Variants in C8B observed in about 807,000 individuals in gnomAD.
The protein encoded by C8B is complement component C8 beta chain.
Under a neutral mutation model 64.6 loss-of-function variants are expected in C8B, and 67 were observed. The observed-to-expected ratio is 1.04, with a 90% CI of 0.85 to 1.27. The LOEUF (loss-of-function observed/expected upper bound fraction) is 1.27. C8B is among the 50% of genes most tolerant of loss of function. The pLI is 0.00. For missense variants in C8B, 790 were observed against 725.2 expected, an observed-to-expected ratio of 1.09 and a Z score of -1.03; for synonymous variants, 284 against 257.7, an observed-to-expected ratio of 1.10 and a Z score of -0.98.
chr1:56,945,302 C>T (rs1406771341), intron 7 of C8B, among the ~76,000 whole-genome samples: 1 of 152,170 alleles, frequency 6.6e-6, no homozygotes, highest in African/African-American at 2.4e-5. Context: ...AAAGAAAAAA[C>T]AGCAGATTTG....
intron 2 of C8B, chr1:56,959,747 A>T: frequency 1.2e-6 from 1 of 843,740 alleles, no homozygotes; most frequent in Non-Finnish European, 1.8e-6. Context: ...TTTCATGATG[A>T]AAGATTGATT....
intron 2 of C8B, chr1:56,959,746 G>T (rs1645150611): frequency 1.2e-6 from 1 of 847,180 alleles, no homozygotes; most frequent in Non-Finnish European, 1.8e-6. Flanking sequence ...GTTTCATGAT[G>T]AAAGATTGAT....
At position 56,945,932 on chromosome 1, in the gene C8B, C is replaced by T; in HGVS notation, c.994G>A (p.Glu332Lys). The T allele has an allele frequency of 6.2e-7, 1 of 1,614,148 alleles. No individual in the cohort carries two copies. The highest frequency in any genetic ancestry group is 8.5e-7 in the Non-Finnish European group (1 of 1,180,012). ...AAATCACGGAAGAGATCTCTGTATT[C>T]CCCGTAGCTGTACTCCAGGGGCAGC... is the stretch of plus-strand genomic sequence containing the variant. ...KRLPLEYSYG[E>K]YRDLFRDFGT... The change falls in exon 7 of 12, where the codon GAA becomes AAA. Residue 332 changes from glutamate to lysine, a missense_variant. Transcript: ENST00000371237.
Position 56,940,899 on chromosome 1 carries a change from G to T in C8B, c.1348C>A (p.Gln450Lys), listed in dbSNP as rs762458818. ...YQELPTADLM[Q>K]EWGDAVQYNP... ...TACTGCACAGCGTCTCCCCACTCCT[G>T]CATCAGGTCCGCCGTCGGCAGCTCC... The change falls in exon 9 of 12, where the codon CAG (glutamine) becomes AAG (lysine). Residue 450 changes from glutamine to lysine, a missense_variant. Transcript: ENST00000371237. The T allele has an allele frequency of 1.2e-6, 2 of 1,613,970 alleles. No individual in the cohort carries two copies. Among genetic ancestry groups the T allele is most frequent in the Non-Finnish European group, 1.7e-6 (2 of 1,179,998 alleles).
intron 2 of C8B, among the ~76,000 whole-genome samples, chr1:56,958,787 A>G (rs930430287): frequency 3.9e-5 from 6 of 152,202 alleles, no homozygotes; most frequent in African/African-American, 1.4e-4. Flanking sequence ...AATAAAACCT[A>G]CTTTGGGAAC....
intron 3 of C8B, among the ~76,000 whole-genome samples, 156 bp downstream of exon 3, chr1:56,956,613 T>C (rs1645106873): frequency 6.6e-6 from 1 of 152,160 alleles, no homozygotes; most frequent in African/African-American, 2.4e-5. Context: ...TATAAAATAA[T>C]GCATGTGAAA....
At chr1:56,945,759 A>G in intron 7 of C8B, 62 bp downstream of exon 7, 4 of 1,606,934 alleles carry the variant, frequency 2.5e-6, no homozygotes, top group Admixed American at 1.7e-5. Context: ...AGAAAACTAC[A>G]AGTTCAACTT....
chr1:56,950,596 G>A (rs1003445119), intron 5 of C8B, among the ~76,000 whole-genome samples: 1 of 152,190 alleles, frequency 6.6e-6, no homozygotes, highest in Non-Finnish European at 1.5e-5. Context: ...GGGTGCAACA[G>A]CTCAGCCGCT....
chr1:56,959,648 G>T, intron 2 of C8B: 1 of 1,533,766 alleles, frequency 6.5e-7, no homozygotes, highest in South Asian at 1.2e-5. Flanking sequence ...CCATGATCCT[G>T]GACTTGATCC....
chr1:56,938,839 GAGA>G, intron 9 of C8B, among the ~76,000 whole-genome samples: 1 of 152,212 alleles, frequency 6.6e-6, no homozygotes, highest in East Asian at 1.9e-4. Context: ...TGGCTTTGCG[GAGA>G]AGAATTATTC....
rs995816978 is a variant in C8B at position 56,931,744 on chromosome 1, T to A, written c.1621+66A>T. On this transcript the variant is annotated intron_variant, in intron 11 of 11. Coordinates refer to ENST00000371237, the MANE Select transcript of C8B (RefSeq NM_000066.4). ...ATCCAGCCCCACACTCCACACCAGC[T>A]CCTTGCTCTTCTTCTGGTGAATTAT... The A allele has an allele frequency of 5.7e-5, 62 of 1,089,634 alleles. No individual in the cohort carries two copies. The Admixed American group carries it at 1.1e-3, about 19-fold the overall frequency. The allele number at this position is 1,089,634 out of a possible 1,614,324, so 67.5% of individuals were successfully genotyped here. A position where few individuals can be genotyped will look rare whatever the true frequency, so the allele number is the denominator to read the frequency against.
At chr1:56,955,386 C>T (rs1449320860) in intron 3 of C8B, among the ~76,000 whole-genome samples, 1 of 152,226 alleles carries the variant, frequency 6.6e-6, no homozygotes, top group African/African-American at 2.4e-5. Context: ...CACTAAACCA[C>T]ACTGCCTTCA....
At chr1:56,950,226 G>T (rs967957760) in intron 5 of C8B, among the ~76,000 whole-genome samples, 1 of 152,168 alleles carries the variant, frequency 6.6e-6, no homozygotes, top group East Asian at 1.9e-4. Flanking sequence ...CCTAGCAGAG[G>T]GAGTAGATCA....
intron 1 of C8B, among the ~76,000 whole-genome samples, chr1:56,964,413 C>T (rs974466783): frequency 2.0e-5 from 3 of 152,196 alleles, no homozygotes; most frequent in African/African-American, 7.2e-5. Flanking sequence ...TCTCATCCCT[C>T]TCAACTTCCT....
intron 8 of C8B, among the ~76,000 whole-genome samples, chr1:56,942,849 T>G (rs911857987): frequency 1.3e-5 from 2 of 151,970 alleles, no homozygotes; most frequent in Non-Finnish European, 2.9e-5. Context: ...GGCTTGTAGA[T>G]GGCTTGAGCC....
intron 8 of C8B, among the ~76,000 whole-genome samples, chr1:56,942,782 C>T (rs970625045): frequency 5.3e-5 from 8 of 151,754 alleles, no homozygotes; most frequent in Admixed American, 1.3e-4. Context: ...AGTAGGGGGG[C>T]GTCTCTGCCA....
intron 10 of C8B, among the ~76,000 whole-genome samples, chr1:56,932,512 T>A (rs1205263042): frequency 6.6e-6 from 1 of 152,126 alleles, no homozygotes; most frequent in Non-Finnish European, 1.5e-5. Flanking sequence ...AAGGGAGAGT[T>A]CAGCAACCCT....
At chr1:56,939,616 A>T (rs1360930928) in intron 9 of C8B, among the ~76,000 whole-genome samples, 1 of 152,198 alleles carries the variant, frequency 6.6e-6, no homozygotes, top group East Asian at 1.9e-4. Flanking sequence ...ACAGGCAAGG[A>T]CCTACCATTG....
At chr1:56,949,794 C>T (rs1644994714) in intron 5 of C8B, 42 bp from the exon 6 acceptor site, 2 of 1,378,172 alleles carry the variant, frequency 1.5e-6, no homozygotes, top group South Asian at 1.2e-5. Flanking sequence ...TCATTTGACT[C>T]AAATCAGTTC....
Sources: gnomAD v4.1 joint callset for allele counts (sites outside exome capture counted in the v4.1 genomes callset) on GRCh38, gnomAD v4.1.1 for gene constraint, MANE v1.5 for transcripts, NCBI Gene and HGNC (gene_info 2026-07-23, HGNC 2026-07-21) for gene names.